Variants in ADGRG6 observed in about 807,000 individuals in gnomAD.
The protein encoded by ADGRG6 is adhesion G protein-coupled receptor G6, also known as G-protein coupled receptor 126.
In ADGRG6, 84 loss-of-function variants were observed where a neutral mutation model predicts 142.4. That is an observed-to-expected ratio of 0.59 (90% CI 0.49 to 0.71). ADGRG6 has a LOEUF of 0.71. Among genes scored for constraint, ADGRG6 ranks in the 30% least tolerant of loss-of-function variants. The pLI is 0.00. For missense variants in ADGRG6, 1,367 were observed against 1,466.6 expected (o/e 0.93, Z 1.11); for synonymous variants, 521 against 520.5 (o/e 1.00, Z -0.01).
intron 2 of ADGRG6, among the ~76,000 whole-genome samples, chr6:142,315,391 C>G (rs1777994531): frequency 6.6e-6 from 1 of 151,224 alleles, no homozygotes; most frequent in Non-Finnish European, 1.5e-5. Context: ...GAATGGAGAA[C>G]CAAAGACAAA....
In ADGRG6 at chr6:142,410,504, G is replaced by A. The variant is rs561775673; in HGVS notation, c.2434+585G>A. Among the ~76,000 whole-genome samples the A allele has an allele frequency of 9.2e-5, 14 of 152,184 alleles. No individual in the cohort carries two copies. The South Asian group carries it at 2.9e-3, about 32-fold the overall frequency. ...GCATAAGGTGTAAATCTCTTTGAAA[G>A]GAAGTACAAATAAAGAAGCTTCTTC... On this transcript the variant is annotated intron_variant, in intron 17 of 24. Coordinates refer to ENST00000367609, the MANE Select transcript of ADGRG6 (RefSeq NM_198569.3).
chr6:142,374,560 CT>C (rs941203073), intron 4 of ADGRG6, among the ~76,000 whole-genome samples: 3 of 152,154 alleles, frequency 2.0e-5, no homozygotes, highest in Non-Finnish European at 4.4e-5. Flanking sequence ...ACCCCTTATT[CT>C]TCCCACTCCA....
At chr6:142,358,333 G>T (rs1488832973) in intron 2 of ADGRG6, among the ~76,000 whole-genome samples, 1 of 152,150 alleles carries the variant, frequency 6.6e-6, no homozygotes, top group East Asian at 1.9e-4. Context: ...AGATCAAAAT[G>T]AGACAAATTT....
In ADGRG6 at chr6:142,443,428, G is replaced by T; in HGVS notation, c.3666G>T (p.Lys1222Asn). 1 of 1,611,128 alleles carries T rather than the reference G, an allele frequency of 6.2e-7. No homozygotes were observed. Among genetic ancestry groups the T allele is most frequent in the Non-Finnish European group, 8.5e-7 (1 of 1,177,502 alleles). ...SIIPVHQVID[K>N]VKGYCNAHSD... Reference sequence around the variant, plus strand: ...TCCCTGTCCATCAGGTCATTGATAAGGTCAAGGGTTATTGCAATGCTCATT... The same window carrying T: ...TCCCTGTCCATCAGGTCATTGATAATGTCAAGGGTTATTGCAATGCTCATT... Residue 1222 changes from lysine (K) to asparagine (N), a missense_variant, in exon 25 of 25, where the codon AAG becomes AAT. Physicochemically the swap from Lys to Asn is moderately conservative, Grantham distance 94. Coordinates refer to ENST00000367609, the MANE Select transcript of ADGRG6 (RefSeq NM_198569.3).
In ADGRG6 at chr6:142,332,402, T is replaced by G. The variant is rs542235579; in HGVS notation, c.103+22758T>G. ...TTGAAAGTTTTTTATTTTTAATTATTAAAGTAAATTTTGTAAATTTCTGGC... is the reference window on the plus strand; with the variant it reads ...TTGAAAGTTTTTTATTTTTAATTATGAAAGTAAATTTTGTAAATTTCTGGC... On this transcript the variant is annotated intron_variant, in intron 2 of 24. Transcript: ENST00000367609. 2.7e-4 allele frequency among the ~76,000 whole-genome samples: 41 copies of G among 152,292 alleles called. 1 individual carries two copies. In the East Asian group the frequency reaches 6.7e-3, roughly 25 times the overall value.
At chr6:142,310,888 C>T (rs2114520449) in intron 2 of ADGRG6, among the ~76,000 whole-genome samples, 1 of 151,894 alleles carries the variant, frequency 6.6e-6, no homozygotes, top group African/African-American at 2.4e-5. Context: ...AAGTGATTCT[C>T]TAAGAATCAA....
chr6:142,389,797 G>A (rs1489042230), intron 6 of ADGRG6, among the ~76,000 whole-genome samples: 3 of 151,788 alleles, frequency 2.0e-5, no homozygotes, highest in Non-Finnish European at 3.0e-5. Flanking sequence ...AGGGTAGTAA[G>A]TATGTGTATG....
chr6:142,358,614 A>C (rs1007679630), intron 2 of ADGRG6, among the ~76,000 whole-genome samples: 1 of 152,208 alleles, frequency 6.6e-6, no homozygotes, highest in African/African-American at 2.4e-5. Context: ...AAGGCTTTAA[A>C]AAGTATCTGT....
chr6:142,431,542 C>T (rs1387682503), intron 22 of ADGRG6, among the ~76,000 whole-genome samples: 2 of 152,104 alleles, frequency 1.3e-5, no homozygotes, highest in African/African-American at 2.4e-5. Context: ...CCTGATTGTC[C>T]TGGTCCCAGT....
intron 11 of ADGRG6, among the ~76,000 whole-genome samples, chr6:142,401,464 T>C (rs1394133208): frequency 1.3e-5 from 2 of 152,200 alleles, no homozygotes; most frequent in East Asian, 3.8e-4. Flanking sequence ...ATACTGCTGG[T>C]ATTTTGTTTC....
At chr6:142,372,551 T>C (rs1422015234) in intron 4 of ADGRG6, among the ~76,000 whole-genome samples, 2 of 152,152 alleles carry the variant, frequency 1.3e-5, no homozygotes, top group East Asian at 1.9e-4. Flanking sequence ...TGAAGTGATG[T>C]CATTTGAAAG....
chr6:142,315,786 G>A (rs1277208361), intron 2 of ADGRG6, among the ~76,000 whole-genome samples: 8 of 151,888 alleles, frequency 5.3e-5, no homozygotes, highest in East Asian at 3.9e-4. Flanking sequence ...AGCCGAGATC[G>A]TGCTGTTGCA....
chr6:142,324,452 A>C (rs369551911), intron 2 of ADGRG6, among the ~76,000 whole-genome samples: 6 of 152,086 alleles, frequency 3.9e-5, no homozygotes, highest in African/African-American at 1.4e-4. Context: ...GGCATTCCAC[A>C]AACTTCCCTA....
intron 2 of ADGRG6, among the ~76,000 whole-genome samples, chr6:142,311,529 A>G (rs1238142954): frequency 6.6e-6 from 1 of 152,000 alleles, no homozygotes; most frequent in Non-Finnish European, 1.5e-5. Flanking sequence ...GCCATTTAAA[A>G]TAATGCATAT....
chr6:142,317,705 T>G (rs917671766), intron 2 of ADGRG6, among the ~76,000 whole-genome samples: 3 of 107,582 alleles, frequency 2.8e-5, no homozygotes, highest in Admixed American at 1.4e-4. Flanking sequence ...TCAGTAAATA[T>G]ATATATATTT....
intron 1 of ADGRG6, among the ~76,000 whole-genome samples, chr6:142,303,158 C>T (rs2114469591): frequency 6.6e-6 from 1 of 152,222 alleles, no homozygotes; most frequent in South Asian, 2.1e-4. Context: ...GGTAATTTTC[C>T]TTCTGATGTT....
intron 2 of ADGRG6, among the ~76,000 whole-genome samples, chr6:142,351,473 A>T (rs1341696480): frequency 1.3e-5 from 2 of 152,190 alleles, no homozygotes; most frequent in Non-Finnish European, 2.9e-5. Flanking sequence ...CCATTCAATA[A>T]ATGGTGCTGG....
At chr6:142,407,551 C>T (rs757812796) in intron 15 of ADGRG6, among the ~76,000 whole-genome samples, 1 of 152,140 alleles carries the variant, frequency 6.6e-6, no homozygotes. Flanking sequence ...TTGGTCCAAA[C>T]CATTTTATGG....
chr6:142,319,231 C>T (rs1430869266), intron 2 of ADGRG6, among the ~76,000 whole-genome samples: 1 of 152,100 alleles, frequency 6.6e-6, no homozygotes, highest in African/African-American at 2.4e-5. Context: ...TGCTCAAACG[C>T]ATATTTAGTT....
Sources: allele counts gnomAD v4.1 joint callset (sites outside exome capture counted in the v4.1 genomes callset), GRCh38; gene constraint gnomAD v4.1.1; transcripts MANE v1.5; gene names NCBI Gene and HGNC (gene_info 2026-07-23, HGNC 2026-07-21).